Variants in PLEKHG2 observed in about 807,000 individuals in gnomAD.
PLEKHG2 encodes pleckstrin homology domain-containing family G member 2.
Under a neutral mutation model 104.4 loss-of-function variants are expected in PLEKHG2, and 71 were observed. The observed-to-expected ratio is 0.68, with a 90% confidence interval of 0.56 to 0.83. PLEKHG2 has a LOEUF of 0.83. Among genes scored for constraint, PLEKHG2 ranks in the 40% least tolerant of loss-of-function variants. The pLI is 0.00. For synonymous variants in PLEKHG2, 728 were observed against 737.0 expected (o/e 0.99, Z 0.20); for missense variants, 1,730 against 1,809.4 (o/e 0.96, Z 0.80).
chr19:39,417,101 G>A (rs2078618555), intron 7 of PLEKHG2, 101 bp downstream of exon 7: 2 of 1,373,038 alleles, frequency 1.5e-6, no homozygotes, highest in East Asian at 2.5e-5. Flanking sequence ...AGTTGGGCAA[G>A]GCCTCCCAAA....
Position 39,413,231 on chromosome 19 carries a change from T to A in PLEKHG2, c.-204T>A, listed in dbSNP as rs1448050677. 2.0e-5 allele frequency: 3 copies of A among 152,136 alleles called. No homozygotes were observed. The allele number at this position is 152,136 out of a possible 1,614,324, so 9.4% of individuals were successfully genotyped here. A position where few individuals can be genotyped will look rare whatever the true frequency, so the allele number is the denominator to read the frequency against. On this transcript the variant is annotated 5_prime_UTR_variant, in exon 1 of 19. Coordinates refer to ENST00000425673, the MANE Select transcript of PLEKHG2 (RefSeq NM_022835.3). The surrounding 1 kb of genome is among the most constrained non-coding windows in gnomAD (Gnocchi z 4.5). ...GTCGAGGCTCCTAGCATCCCCTACG[T>A]AGAACACTGAGAAATTCCGACTGCG...
Position 39,423,820 on chromosome 19 carries a change from C to T in PLEKHG2, c.2687C>T (p.Ala896Val). 1 of 1,614,174 alleles carries T rather than the reference C, an allele frequency of 6.2e-7. No homozygotes were observed. Residue 896 changes from alanine to valine, a missense_variant, in exon 19 of 19, where the codon GCT becomes GTT. Physicochemically the swap from Ala to Val is moderately conservative, Grantham distance 64 (BLOSUM62 0). Coordinates refer to ENST00000425673, the MANE Select transcript of PLEKHG2 (RefSeq NM_022835.3). ...CAGGAGTCTGTCCCCCTGGGTCCTG[C>T]TGTCTGGGTTCAAGCTGCCATACCT... ...CAQESVPLGPAVWVQAAIPLS... is the reference protein window; with the variant it reads ...CAQESVPLGPVVWVQAAIPLS...
chr19:39,415,250 G>T lies in PLEKHG2; in HGVS notation c.368G>T (p.Ser123Ile). 1 of 1,591,254 alleles carries T rather than the reference G, an allele frequency of 6.3e-7. No individual in the cohort carries two copies. The highest frequency in any genetic ancestry group is 8.6e-7 in the Non-Finnish European group (1 of 1,168,318). The part of the protein sequence containing the change: ...TERAYVRDLR[S>I]IVEDYLGPLL... ...CGGGCCTATGTCAGGGACCTCCGCAGCATCGTGGAGGTAAGGCGGGCAGAC... is the reference window on the plus strand; with the variant it reads ...CGGGCCTATGTCAGGGACCTCCGCATCATCGTGGAGGTAAGGCGGGCAGAC... Residue 123 changes from serine to isoleucine, a missense_variant, in exon 3 of 19, where the codon AGC (serine) becomes ATC (isoleucine). By Grantham distance (142) the Ser-to-Ile change is moderately radical. Coordinates refer to ENST00000425673, the MANE Select transcript of PLEKHG2 (RefSeq NM_022835.3). This position sits in a 1 kb window ranked among gnomAD's most constrained non-coding sequence, Gnocchi z 4.6.
rs2078606854 is a variant in PLEKHG2 at position 39,416,496 on chromosome 19, G to T, written c.547-55G>T. The T allele has an allele frequency of 3.7e-6, 6 of 1,612,642 alleles. No homozygotes were observed. In the East Asian group the frequency reaches 6.7e-5, roughly 18 times the overall value. On this transcript the variant is annotated intron_variant, in intron 5 of 18. Coordinates refer to ENST00000425673, the MANE Select transcript of PLEKHG2 (RefSeq NM_022835.3). This position sits in a 1 kb window ranked among gnomAD's most constrained non-coding sequence, Gnocchi z 4.5. ...GAGCAGGCTTGGGCTAGGCTGGAAG[G>T]GGGGTCGTGGGAAGCCAGGACCTGG...
chr19:39,418,183 G>T, intron 9 of PLEKHG2, 78 bp downstream of exon 9: 1 of 1,247,588 alleles, frequency 8.0e-7, no homozygotes, highest in East Asian at 3.0e-5. Context: ...GTGCCCGGCA[G>T]TGTGGGCCAG....
rs1003161138 is a variant in PLEKHG2 at position 39,416,399 on chromosome 19, G to A, written c.531G>A (p.Glu177=). 8.1e-6 allele frequency: 13 copies of A among 1,613,112 alleles called. No individual in the cohort carries two copies. The highest frequency in any genetic ancestry group is 1.1e-5 in the Non-Finnish European group (13 of 1,179,800). The stretch of plus-strand genomic sequence containing the variant: ...GCAGCAGCGCCGGGGGTATTGCCGA[G>A]TGCTTCGTGCAGAGGGTGAGTGGAG... ...ENSSSAGGIA[E]CFVQRSEDFD... The change falls in exon 5 of 19, where the codon GAG becomes GAA. Residue 177 remains glutamate (E), a synonymous_variant. Transcript: ENST00000425673. The surrounding 1 kb of genome is among the most constrained non-coding windows in gnomAD (Gnocchi z 4.5).
Position 39,415,081 on chromosome 19 carries a change from G to A in PLEKHG2, c.199G>A (p.Gly67Arg). The A allele has an allele frequency of 6.3e-7, 1 of 1,591,942 alleles. No individual in the cohort carries two copies. Among genetic ancestry groups the A allele is most frequent in the Non-Finnish European group, 8.5e-7 (1 of 1,169,652 alleles). Residue 67 changes from glycine (G) to arginine (R), a missense_variant, in exon 3 of 19, where the codon GGG becomes AGG. Transcript: ENST00000425673. The surrounding 1 kb of genome is among the most constrained non-coding windows in gnomAD (Gnocchi z 4.6). ...GGGCTCTGAGGGGGATCCAGCCCCT[G>A]GGCCCACTCCAGCCTGCTCAGCCTC... ...TVGSEGDPAP[G>R]PTPACSASRP...
Position 39,417,602 on chromosome 19 carries a change from G to A in PLEKHG2, c.792G>A (p.Glu264=). ...WAEGPGTGGR[E]MVEEAIVSMT... is the part of the protein sequence containing the mutation. Reference sequence around the variant, plus strand: ...AGGGCCCAGGCACTGGGGGTCGCGAGATGGTGGAGGAAGCTATTGTGTCCA... The same window carrying A: ...AGGGCCCAGGCACTGGGGGTCGCGAAATGGTGGAGGAAGCTATTGTGTCCA... Residue 264 remains glutamate, a synonymous_variant, in exon 8 of 19, where the codon GAG becomes GAA. Transcript: ENST00000425673. 6.2e-7 allele frequency: 1 copy of A among 1,614,176 alleles called. No individual in the cohort carries two copies. The highest frequency in any genetic ancestry group is 1.7e-5 in the Admixed American group (1 of 60,016).
Position 39,421,124 on chromosome 19 carries a change from G to A in PLEKHG2, c.1486+11G>A, listed in dbSNP as rs2078693187. 1.9e-6 allele frequency: 3 copies of A among 1,613,870 alleles called. No individual in the cohort carries two copies. The South Asian group carries it at 3.3e-5, about 18-fold the overall frequency. ...TGTTCCCACAGAACGGTCAGTGACT[G>A]CCCCGGTTCAGCCTGGTCCATCCCT... On this transcript the variant is annotated intron_variant, in intron 15 of 18. Coordinates refer to ENST00000425673, the MANE Select transcript of PLEKHG2 (RefSeq NM_022835.3).
intron 16 of PLEKHG2, 47 bp downstream of exon 16, chr19:39,421,346 C>T (rs776301202): frequency 4.4e-6 from 7 of 1,593,154 alleles, no homozygotes; most frequent in Non-Finnish European, 5.2e-6. Context: ...ACTTCTGGGT[C>T]TGATGGAGAA....
At position 39,415,313 on chromosome 19, in the gene PLEKHG2, C is replaced by T; in HGVS notation, c.379-26C>T. The T allele has an allele frequency of 3.1e-6, 5 of 1,611,534 alleles. No homozygotes were observed. Among genetic ancestry groups the T allele is most frequent in the Non-Finnish European group, 4.2e-6 (5 of 1,178,626 alleles). On this transcript the variant is annotated intron_variant, in intron 3 of 18. Coordinates refer to ENST00000425673, the MANE Select transcript of PLEKHG2 (RefSeq NM_022835.3). The surrounding 1 kb of genome is among the most constrained non-coding windows in gnomAD (Gnocchi z 4.6). ...TGGGTACCCAGGCCAGCCCCTTGGC[C>T]CCCATAACCCCAGTCATCCCAACAG...
chr19:39,415,019 C>G lies in PLEKHG2; in HGVS notation c.137C>G (p.Pro46Arg). 4 of 1,598,148 alleles carry G rather than the reference C, an allele frequency of 2.5e-6. No individual in the cohort carries two copies. Among genetic ancestry groups the G allele is most frequent in the East Asian group, 2.3e-5 (1 of 44,170 alleles). Residue 46 changes from proline (P) to arginine (R), a missense_variant, in exon 3 of 19, where the codon CCC becomes CGC. Transcript: ENST00000425673. The surrounding 1 kb of genome is among the most constrained non-coding windows in gnomAD (Gnocchi z 4.6). Reference protein sequence around the residue: ...TAPAAPTMASPRGSGSSTSLS... With the variant: ...TAPAAPTMASRRGSGSSTSLS... The stretch of plus-strand genomic sequence containing the variant: ...CCTGCAGCCCCCACCATGGCCTCCC[C>G]CCGAGGTTCTGGGAGCTCCACATCC...
rs2078600595 is a variant in PLEKHG2, at chr19:39,416,251, C to A, written c.480-97C>A. 2 of 1,239,146 alleles carry A rather than the reference C, an allele frequency of 1.6e-6. No homozygotes were observed. The highest frequency in any genetic ancestry group is 2.3e-6 in the Non-Finnish European group (2 of 853,124). The allele number at this position is 1,239,146 out of a possible 1,614,324, so 76.8% of individuals were successfully genotyped here. Reference sequence around the variant, plus strand: ...GAGATGCTGGCAGTCAGCAAGCCCCCAGCCCCAGCAGACCATTGGGGCCTC... The same window carrying A: ...GAGATGCTGGCAGTCAGCAAGCCCCAAGCCCCAGCAGACCATTGGGGCCTC... On this transcript the variant is annotated intron_variant, in intron 4 of 18. Coordinates refer to ENST00000425673, the MANE Select transcript of PLEKHG2 (RefSeq NM_022835.3). The surrounding 1 kb of genome is among the most constrained non-coding windows in gnomAD (Gnocchi z 4.5).
rs774324295 is a variant in PLEKHG2 at position 39,424,799 on chromosome 19, C to T, written c.3666C>T (p.Asp1222=). The T allele has an allele frequency of 1.2e-6, 2 of 1,614,186 alleles. No homozygotes were observed. The highest frequency in any genetic ancestry group is 2.2e-5 in the East Asian group (1 of 44,888). ...TPLPERGGSL[D]IQGLSPTPVQ... is the part of the protein sequence containing the mutation. ...TACCTGAGAGAGGAGGCTCTCTAGA[C>T]ATTCAGGGCCTCTCACCCACCCCAG... Residue 1222 remains aspartate (D), a synonymous_variant, in exon 19 of 19, where the codon GAC becomes GAT. Coordinates refer to ENST00000425673, the MANE Select transcript of PLEKHG2 (RefSeq NM_022835.3).
At chr19:39,419,394 C>T (rs1016233797) in intron 11 of PLEKHG2, among the ~76,000 whole-genome samples, 5 of 151,928 alleles carry the variant, frequency 3.3e-5, no homozygotes, top group East Asian at 1.9e-4. Flanking sequence ...CCCGGGAGTT[C>T]GATACCAGCT....
Position 39,421,931 on chromosome 19 carries a change from C to T in PLEKHG2, c.1504-184C>T, listed in dbSNP as rs141727139. On this transcript the variant is annotated intron_variant, in intron 16 of 18. Transcript: ENST00000425673. ...ACTCAGGAGGCTGAGGCAGCAGAAT[C>T]GCTTGAACCCGGGAGGCGGAGATTG... 743 of 483,518 alleles carry T rather than the reference C, an allele frequency of 1.5e-3. 4 individuals are homozygous for T. Among genetic ancestry groups the T allele is most frequent in the Middle Eastern group, 6.7e-3 (12 of 1,796 alleles). The allele number at this position is 483,518 out of a possible 1,614,324, so 30.0% of individuals were successfully genotyped here. A position where few individuals can be genotyped will look rare whatever the true frequency, so the allele number is the denominator to read the frequency against.
Position 39,417,558 on chromosome 19 carries a change from C to G in PLEKHG2, c.748C>G (p.Leu250Val). The change falls in exon 8 of 19, where the codon CTA becomes GTA. Residue 250 changes from leucine to valine, a missense_variant. Physicochemically the swap from Leu to Val is conservative, Grantham distance 32. Transcript: ENST00000425673. ...ILKYHLLLQE[L>V]GKHWAEGPGT... ...GTGCCTGGTGGCTGCCTGACAGGAA[C>G]TAGGGAAGCACTGGGCGGAGGGCCC... The G allele has an allele frequency of 6.2e-7, 1 of 1,613,882 alleles. No individual in the cohort carries two copies. The highest frequency in any genetic ancestry group is 8.5e-7 in the Non-Finnish European group (1 of 1,179,932).
chr19:39,424,861 C>T lies in PLEKHG2; in HGVS notation c.3728C>T (p.Ser1243Phe), dbSNP rs1269712726. 1.9e-6 allele frequency: 3 copies of T among 1,614,118 alleles called. No homozygotes were observed. The highest frequency in any genetic ancestry group is 1.6e-4 in the Middle Eastern group (1 of 6,084). The change falls in exon 19 of 19, where the codon TCC (serine) becomes TTC (phenylalanine). Residue 1243 changes from serine (S) to phenylalanine (F), a missense_variant. Transcript: ENST00000425673. Reference protein sequence around the residue: ...TTMVLSKPGGSLASHVARLES... With the variant: ...TTMVLSKPGGFLASHVARLES... ...ATGGTTTTGTCCAAACCAGGAGGCT[C>T]CTTAGCCTCTCACGTTGCCAGGTTG...
In PLEKHG2 at chr19:39,413,872, C is replaced by T. The variant is rs2078559080; in HGVS notation, c.-22-193C>T. The T allele has an allele frequency of 8.6e-6, 4 of 466,240 alleles. No individual in the cohort carries two copies. The highest frequency in any genetic ancestry group is 7.9e-6 in the Non-Finnish European group (2 of 252,528). 28.9% of individuals were successfully genotyped at this position (466,240 alleles called of 1,614,324 possible). A position where few individuals can be genotyped will look rare whatever the true frequency, so the allele number is the denominator to read the frequency against. On this transcript the variant is annotated intron_variant, in intron 1 of 18. Transcript: ENST00000425673. This position sits in a 1 kb window ranked among gnomAD's most constrained non-coding sequence, Gnocchi z 4.5. ...TCCGCTCACTCTTCTTTGTCTCAGC[C>T]TTTCCATCTTTTTCGCCAGGTTCTC...
Sources: allele counts gnomAD v4.1 joint callset (sites outside exome capture counted in the v4.1 genomes callset), GRCh38; gene constraint gnomAD v4.1.1; non-coding constraint Gnocchi (gnomAD v3.1); transcripts MANE v1.5; gene names NCBI Gene and HGNC (gene_info 2026-07-23, HGNC 2026-07-21).